The following ATF1 variants were observed in gnomAD, a reference collection of about 807,000 sequenced individuals.
ATF1 encodes the protein activating transcription factor 1, also known as cyclic AMP-dependent transcription factor ATF-1.
Under a neutral mutation model 34.7 loss-of-function variants are expected in ATF1, and 16 were observed. That is an observed-to-expected ratio of 0.46 (90% CI 0.31 to 0.70). The LOEUF is 0.70. ATF1 is among the 30% of genes least tolerant of loss of function. The pLI, the probability that ATF1 is intolerant of heterozygous loss-of-function variation, is 0.05. For synonymous variants in ATF1, 105 were observed against 113.1 expected (o/e 0.93, Z 0.46); for missense variants, 255 against 321.6 (o/e 0.79, Z 1.58).
intron 1 of ATF1, among the ~76,000 whole-genome samples, chr12:50,765,262 T>C (rs1940603902): frequency 6.6e-6 from 1 of 152,194 alleles, no homozygotes; most frequent in Non-Finnish European, 1.5e-5. Context: ...AGGTTTTTGT[T>C]AACAGAAATG....
chr12:50,801,413 G>A (rs1292728342), intron 3 of ATF1, among the ~76,000 whole-genome samples: 4 of 152,170 alleles, frequency 2.6e-5, no homozygotes, highest in African/African-American at 9.7e-5. Flanking sequence ...TAATGCAGGT[G>A]CAGGAACACA....
intron 3 of ATF1, among the ~76,000 whole-genome samples, chr12:50,803,437 A>G (rs1349212760): frequency 1.3e-5 from 2 of 152,188 alleles, no homozygotes; most frequent in Middle Eastern, 3.4e-3. Flanking sequence ...AAAAAGACCA[A>G]TAATAAGTGT....
intron 1 of ATF1, among the ~76,000 whole-genome samples, chr12:50,772,011 G>A (rs1940783873): frequency 6.6e-5 from 10 of 152,216 alleles, no homozygotes; most frequent in Admixed American, 6.5e-4. Context: ...GGGCTGCTCT[G>A]TCTATGGAGT....
chr12:50,816,196 G>A (rs533435002), intron 6 of ATF1, among the ~76,000 whole-genome samples: 5 of 152,108 alleles, frequency 3.3e-5, no homozygotes, highest in South Asian at 4.2e-4. Flanking sequence ...GCATGGTGGC[G>A]TGTGCCTAAA....
intron 3 of ATF1, among the ~76,000 whole-genome samples, chr12:50,804,174 T>G (rs1941568908): frequency 6.6e-6 from 1 of 152,096 alleles, no homozygotes; most frequent in Non-Finnish European, 1.5e-5. Context: ...ACTTCAAAAA[T>G]TATATAGCTA....
chr12:50,814,191 A>G lies in ATF1; in HGVS notation c.510A>G (p.Gln170=). 1 of 1,613,882 alleles carries G rather than the reference A, an allele frequency of 6.2e-7. No individual in the cohort carries two copies. Among genetic ancestry groups the G allele is most frequent in the East Asian group, 2.2e-5 (1 of 44,878 alleles). Residue 170 remains glutamine, a splice_region_variant and synonymous_variant, in exon 5 of 7, where the codon CAA becomes CAG. Coordinates refer to ENST00000262053, the MANE Select transcript of ATF1 (RefSeq NM_005171.5). The part of the protein sequence containing the change: ...ILVPSNQVVV[Q]TASGDMQTYQ... The stretch of plus-strand genomic sequence containing the variant: ...TGCCCAGCAATCAGGTGGTCGTACA[A>G]AGTAAGTATGCTTTCTGTCTACAGA...
intron 1 of ATF1, among the ~76,000 whole-genome samples, chr12:50,765,064 G>A (rs1049122061): frequency 4.4e-4 from 67 of 152,316 alleles, no homozygotes; most frequent in African/African-American, 1.6e-3. Flanking sequence ...GAATCGCTTT[G>A]AAATGATTGC....
intron 1 of ATF1, among the ~76,000 whole-genome samples, chr12:50,766,105 A>G (rs934637239): frequency 1.1e-4 from 17 of 152,190 alleles, no homozygotes; most frequent in Non-Finnish European, 2.5e-4. Context: ...GCGACCACAA[A>G]GGGACTATAG....
chr12:50,809,422 C>G (rs750793821), intron 3 of ATF1, 34 bp from the exon 4 acceptor site: 2 of 1,476,476 alleles, frequency 1.4e-6, no homozygotes, highest in South Asian at 2.4e-5. Flanking sequence ...ATTCACATTA[C>G]CAATGTTTAA....
At chr12:50,799,276 T>C (rs2139675707) in intron 3 of ATF1, among the ~76,000 whole-genome samples, 1 of 152,236 alleles carries the variant, frequency 6.6e-6, no homozygotes, top group East Asian at 1.9e-4. Flanking sequence ...TCCCAGTTAC[T>C]CAGGAGGCTG....
In ATF1 at chr12:50,817,532, A is replaced by G. The variant is rs375490533; in HGVS notation, c.672-2103A>G. On this transcript the variant is annotated intron_variant, in intron 6 of 6. Transcript: ENST00000262053. ...AATGAGATGTCACGTAGCAAAAATT[A>G]TAAAGTGGTAATACTGTCTGTCATT... Among the ~76,000 whole-genome samples the G allele has an allele frequency of 3.9e-5, 6 of 152,340 alleles. No individual in the cohort carries two copies. The East Asian group carries it at 1.2e-3, about 29-fold the overall frequency.
intron 1 of ATF1, among the ~76,000 whole-genome samples, chr12:50,775,341 A>G (rs1450659854): frequency 1.3e-5 from 2 of 151,854 alleles, no homozygotes; most frequent in African/African-American, 4.8e-5. Flanking sequence ...TTTTGATCAT[A>G]TTAGTTTCTA....
In ATF1 at chr12:50,820,480, A is replaced by AGTT. The variant is rs1169294239; in HGVS notation, c.*703_*705dup. ...GTTTAAAAGTTTGATACTTTTAAATAGTTGGTTTTTTTGCTTACTCTGGTA... is the reference window on the plus strand; with the variant it reads ...GTTTAAAAGTTTGATACTTTTAAATAGTTGTTGGTTTTTTTGCTTACTCTGGTA... On this transcript the variant is annotated 3_prime_UTR_variant, in exon 7 of 7. Coordinates refer to ENST00000262053, the MANE Select transcript of ATF1 (RefSeq NM_005171.5). The AGTT allele has an allele frequency of 2.2e-5, 4 of 182,266 alleles. No individual in the cohort carries two copies. The allele number at this position is 182,266 out of a possible 1,614,324, so 11.3% of individuals were successfully genotyped here. A position where few individuals can be genotyped will look rare whatever the true frequency, so the allele number is the denominator to read the frequency against.
At chr12:50,800,981 A>G (rs780930996) in intron 3 of ATF1, among the ~76,000 whole-genome samples, 3 of 152,160 alleles carry the variant, frequency 2.0e-5, no homozygotes, top group Non-Finnish European at 4.4e-5. Context: ...GGCGCCTGTA[A>G]TCCCAGCTAC....
At chr12:50,790,812 C>T (rs1941285345) in intron 2 of ATF1, among the ~76,000 whole-genome samples, 1 of 151,818 alleles carries the variant, frequency 6.6e-6, no homozygotes, top group South Asian at 2.1e-4. Context: ...AGACAGGGAC[C>T]AAATCTTTTC....
intron 1 of ATF1, among the ~76,000 whole-genome samples, chr12:50,770,968 T>C (rs147776026): frequency 2.9e-4 from 44 of 152,284 alleles, no homozygotes; most frequent in Admixed American, 2.8e-3. Flanking sequence ...ATTTAGTTTA[T>C]TTGGAATAAC....
intron 1 of ATF1, among the ~76,000 whole-genome samples, chr12:50,773,670 G>A (rs1417016286): frequency 2.6e-5 from 4 of 151,448 alleles, no homozygotes; most frequent in African/African-American, 9.7e-5. Flanking sequence ...TCACTGCATC[G>A]TTTCCGCCTC....
At chr12:50,771,235 A>C (rs1184597245) in intron 1 of ATF1, among the ~76,000 whole-genome samples, 1 of 152,026 alleles carries the variant, frequency 6.6e-6, no homozygotes, top group Non-Finnish European at 1.5e-5. Flanking sequence ...CGAACTCCTG[A>C]CCTCAGGTAA....
In ATF1 at chr12:50,776,864, C is replaced by CTTTA. The variant is rs985288307; in HGVS notation, c.-6-3264_-6-3261dup. Among the ~76,000 whole-genome samples, 4 of 152,078 alleles carry CTTTA rather than the reference C, an allele frequency of 2.6e-5. No homozygotes were observed. In the East Asian group the frequency reaches 7.7e-4, roughly 29 times the overall value. On this transcript the variant is annotated intron_variant, in intron 1 of 6. Coordinates refer to ENST00000262053, the MANE Select transcript of ATF1 (RefSeq NM_005171.5). ...TTCCCTGGATGCTGTATTATAAAGC[C>CTTTA]TTTATTTATTTATTTTTGAGATGGA... is the stretch of plus-strand genomic sequence containing the variant.
Sources: allele counts gnomAD v4.1 joint callset (sites outside exome capture counted in the v4.1 genomes callset), GRCh38; gene constraint gnomAD v4.1.1; transcripts MANE v1.5; gene names NCBI Gene and HGNC (gene_info 2026-07-23, HGNC 2026-07-21).